The following DGKD variants were observed in gnomAD, a reference collection of about 807,000 sequenced individuals.
DGKD encodes diacylglycerol kinase delta.
DGKD carries 68 observed loss-of-function variants against 154.4 expected under a neutral mutation model. The ratio of observed to expected loss-of-function variants is 0.44; its 90% CI spans 0.36 to 0.54. The LOEUF is 0.54. DGKD is among the 20% of genes least tolerant of loss of function. The probability of loss-of-function intolerance (pLI) is 0.00; values close to 1 mark genes in which losing one functional copy is unlikely to be tolerated. For synonymous variants in DGKD, 693 were observed against 638.0 expected, an observed-to-expected ratio of 1.09 and a Z score of -1.30; for missense variants, 1,343 against 1,593.6, an observed-to-expected ratio of 0.84 and a Z score of 2.68.
In DGKD at chr2:233,434,771, C is replaced by T. The variant is rs2062635094; in HGVS notation, c.456C>T (p.Pro152=). ...CCCTCTTGGTTTCGTTCTTCCAGCC[C>T]ACCCAGTACAGCATGGACCACTTCT... ...KTVQNREHFE[P]TQYSMDHFSG... The change falls in exon 5 of 30, where the codon CCC becomes CCT. Residue 152 remains proline (P), a splice_region_variant and synonymous_variant. Transcript: ENST00000264057. 3 of 1,604,396 alleles carry T rather than the reference C, an allele frequency of 1.9e-6. No homozygotes were observed. Among genetic ancestry groups the T allele is most frequent in the Admixed American group, 1.7e-5 (1 of 57,302 alleles).
chr2:233,362,549 G>T (rs1701832261), intron 1 of DGKD, among the ~76,000 whole-genome samples: 1 of 152,158 alleles, frequency 6.6e-6, no homozygotes, highest in Non-Finnish European at 1.5e-5. Context: ...TACTCGGGAG[G>T]CTGAGGCAGG....
At chr2:233,366,904 G>A (rs1702055130) in intron 1 of DGKD, among the ~76,000 whole-genome samples, 1 of 152,120 alleles carries the variant, frequency 6.6e-6, no homozygotes, top group Non-Finnish European at 1.5e-5. Context: ...CCCAGAACCA[G>A]CACAGTTTAC....
Position 233,438,299 on chromosome 2 carries a change from T to A in DGKD, c.1005T>A (p.Gly335=), listed in dbSNP as rs768752099. The A allele has an allele frequency of 1.9e-5, 31 of 1,614,020 alleles. No individual in the cohort carries two copies. The highest frequency in any genetic ancestry group is 2.6e-5 in the Non-Finnish European group (31 of 1,180,028). The part of the protein sequence containing the change: ...FVNSKSGDNQ[G]VKFLRRFKQL... ...ATTCAAAAAGTGGGGACAACCAGGGTGTGAAGTTCCTCAGAAGATTCAAAC... is the reference window on the plus strand; with the variant it reads ...ATTCAAAAAGTGGGGACAACCAGGGAGTGAAGTTCCTCAGAAGATTCAAAC... Residue 335 remains glycine (G), a synonymous_variant, in exon 9 of 30, where the codon GGT becomes GGA. Transcript: ENST00000264057. The surrounding 1 kb of genome is among the most constrained non-coding windows in gnomAD (Gnocchi z 4.1).
At chr2:233,402,809 A>G (rs1279276633) in intron 3 of DGKD, among the ~76,000 whole-genome samples, 1 of 152,220 alleles carries the variant, frequency 6.6e-6, no homozygotes, top group Non-Finnish European at 1.5e-5. Flanking sequence ...GAAAAGATGC[A>G]AGTTTTAGAA....
chr2:233,458,098 A>G lies in DGKD; in HGVS notation c.2581-186A>G. On this transcript the variant is annotated intron_variant, in intron 21 of 29. Coordinates refer to ENST00000264057, the MANE Select transcript of DGKD (RefSeq NM_152879.3). This position sits in a 1 kb window ranked among gnomAD's most constrained non-coding sequence, Gnocchi z 6.6. ...GATTCAGTAACTTTGCCGAGATGAGAGCTGGGATTTGGTCCCAGGCAGCTG... is the reference window on the plus strand; with the variant it reads ...GATTCAGTAACTTTGCCGAGATGAGGGCTGGGATTTGGTCCCAGGCAGCTG... The G allele has an allele frequency of 1.9e-6, 1 of 530,724 alleles. No individual in the cohort carries two copies. The highest frequency in any genetic ancestry group is 3.4e-6 in the Non-Finnish European group (1 of 294,080). The allele number at this position is 530,724 out of a possible 1,614,324, so 32.9% of individuals were successfully genotyped here.
At chr2:233,437,504 T>C (rs1363064541) in intron 8 of DGKD, 25 bp downstream of exon 8, 4 of 1,601,612 alleles carry the variant, frequency 2.5e-6, no homozygotes, top group African/African-American at 1.3e-5. Flanking sequence ...TGCTTATCCT[T>C]CTCATGCACG....
At chr2:233,360,380 A>G (rs1321641506) in intron 1 of DGKD, among the ~76,000 whole-genome samples, 1 of 152,050 alleles carries the variant, frequency 6.6e-6, no homozygotes, top group Non-Finnish European at 1.5e-5. Flanking sequence ...CCACCTGAGT[A>G]GCTGGGACTC....
intron 3 of DGKD, among the ~76,000 whole-genome samples, chr2:233,424,017 G>T (rs1229600193): frequency 6.6e-6 from 1 of 152,148 alleles, no homozygotes; most frequent in Non-Finnish European, 1.5e-5. Context: ...AGTGAGAGGA[G>T]TGGGGAAAAG....
chr2:233,383,087 C>T (rs577900580), intron 1 of DGKD, among the ~76,000 whole-genome samples: 18 of 150,360 alleles, frequency 1.2e-4, no homozygotes, highest in Middle Eastern at 3.4e-3. Context: ...GTCACCCAGG[C>T]GGGAGTGCAG....
rs761499504 is a variant in DGKD, at chr2:233,390,441, C to T, written c.306C>T (p.Ser102=). The change falls in exon 3 of 30, where the codon AGC becomes AGT. Residue 102 remains serine (S), a synonymous_variant. Transcript: ENST00000264057. ...IFDEVDLTDA[S]VAESSTKNVN... ...ATGAGGTGGATCTGACAGATGCCAG[C>T]GTAGCTGAATCCAGTACCAAAAACG... 3.2e-5 allele frequency: 52 copies of T among 1,613,982 alleles called. No individual in the cohort carries two copies. Among genetic ancestry groups the T allele is most frequent in the Admixed American group, 1.0e-4 (6 of 60,006 alleles).
chr2:233,414,498 T>A (rs1317835972), intron 3 of DGKD, among the ~76,000 whole-genome samples: 1 of 152,106 alleles, frequency 6.6e-6, no homozygotes, highest in African/African-American at 2.4e-5. Flanking sequence ...ACTCCATCCC[T>A]CCCTCCAGGG....
intron 3 of DGKD, among the ~76,000 whole-genome samples, chr2:233,408,736 C>G (rs1253240433): frequency 6.6e-6 from 1 of 152,200 alleles, no homozygotes; most frequent in Non-Finnish European, 1.5e-5. Flanking sequence ...GAATGAAATA[C>G]TGTAATTATT....
chr2:233,434,393 G>T lies in DGKD; in HGVS notation c.362G>T (p.Cys121Phe), dbSNP rs975954671. The change falls in exon 4 of 30, where the codon TGC (cysteine) becomes TTC (phenylalanine). Residue 121 changes from cysteine (C) to phenylalanine (F), a missense_variant. Transcript: ENST00000264057. ...VNNSFTVITP[C>F]RKLILCADNR... ...TTCTTTCTCTAGGTCATAACTCCAT[G>T]CAGGAAGCTCATCTTGTGTGCTGAT... 4.3e-6 allele frequency: 7 copies of T among 1,614,084 alleles called. No individual in the cohort carries two copies. In the East Asian group the frequency reaches 1.6e-4, roughly 36 times the overall value.
chr2:233,358,957 A>G (rs1482196801), intron 1 of DGKD, among the ~76,000 whole-genome samples: 1 of 152,094 alleles, frequency 6.6e-6, no homozygotes, highest in Non-Finnish European at 1.5e-5. Context: ...CTACCGGACT[A>G]TTTTCCAGCT....
Position 233,445,806 on chromosome 2 carries a change from A to G in DGKD, c.1334+44A>G. 1.3e-6 allele frequency: 2 copies of G among 1,544,518 alleles called. No individual in the cohort carries two copies. Among genetic ancestry groups the G allele is most frequent in the South Asian group, 2.5e-5 (2 of 81,096 alleles). ...CGGTGCCGTATGAGGAGACTTTGAG[A>G]GACAGGTCCCTTTGACCAGGTGTTC... On this transcript the variant is annotated intron_variant, in intron 11 of 29. Coordinates refer to ENST00000264057, the MANE Select transcript of DGKD (RefSeq NM_152879.3). The surrounding 1 kb of genome is among the most constrained non-coding windows in gnomAD (Gnocchi z 5.5).
intron 1 of DGKD, among the ~76,000 whole-genome samples, chr2:233,387,373 A>T (rs974650733): frequency 4.6e-5 from 7 of 152,030 alleles, no homozygotes; most frequent in Non-Finnish European, 1.0e-4. Flanking sequence ...GTGAGGTGGG[A>T]TGTAACATAG....
At chr2:233,460,090 T>G in intron 23 of DGKD, 104 bp from the exon 24 acceptor site, 1 of 1,511,470 alleles carries the variant, frequency 6.6e-7, no homozygotes, top group South Asian at 1.4e-5. Flanking sequence ...AAAAGTCCTA[T>G]TTGTCTCTTT....
chr2:233,421,111 C>G (rs1469819789), intron 3 of DGKD, among the ~76,000 whole-genome samples: 1 of 152,124 alleles, frequency 6.6e-6, no homozygotes, highest in African/African-American at 2.4e-5. Flanking sequence ...AGATGAAGAC[C>G]TCATGAGTGA....
At chr2:233,455,608 G>A (rs1410938760) in intron 19 of DGKD, among the ~76,000 whole-genome samples, 1 of 152,224 alleles carries the variant, frequency 6.6e-6, no homozygotes, top group Admixed American at 6.5e-5. Flanking sequence ...GGGGGTTGAC[G>A]GTGTTTGTGC....
Sources: allele counts gnomAD v4.1 joint callset (sites outside exome capture counted in the v4.1 genomes callset), GRCh38; gene constraint gnomAD v4.1.1; non-coding constraint Gnocchi (gnomAD v3.1); transcripts MANE v1.5; gene names NCBI Gene and HGNC (gene_info 2026-07-23, HGNC 2026-07-21).